Variants in BPNT2 observed in about 807,000 individuals in gnomAD.
The protein encoded by BPNT2 is 3'(2'), 5'-bisphosphate nucleotidase 2.
BPNT2 carries 11 observed loss-of-function variants against 29.3 expected under a neutral mutation model. The observed-to-expected ratio is 0.38, with a 90% CI of 0.24 to 0.62. The LOEUF (loss-of-function observed/expected upper bound fraction) is 0.62. BPNT2 is among the 20% of genes least tolerant of loss of function. The pLI, the probability that BPNT2 is intolerant of heterozygous loss-of-function variation, is 0.62. For synonymous variants in BPNT2, 195 were observed against 187.7 expected, an observed-to-expected ratio of 1.04 and a Z score of -0.32; for missense variants, 459 against 473.4, an observed-to-expected ratio of 0.97 and a Z score of 0.28.
intron 3 of BPNT2, among the ~76,000 whole-genome samples, chr8:56,966,616 G>T (rs1417873553): frequency 6.6e-6 from 1 of 151,980 alleles, no homozygotes; most frequent in Non-Finnish European, 1.5e-5. Flanking sequence ...TTAAATATTT[G>T]GCTTAAGGAT....
chr8:56,989,537 T>C (rs995829945), intron 1 of BPNT2, among the ~76,000 whole-genome samples: 5 of 152,204 alleles, frequency 3.3e-5, no homozygotes, highest in African/African-American at 7.2e-5. Context: ...TTTTTGTGGC[T>C]TGCAGAAGGC....
chr8:56,987,615 T>C (rs1251534868), intron 1 of BPNT2, among the ~76,000 whole-genome samples: 1 of 152,142 alleles, frequency 6.6e-6, no homozygotes, highest in Non-Finnish European at 1.5e-5. Flanking sequence ...AGCTGACAGA[T>C]CAAGGGACTT....
intron 3 of BPNT2, among the ~76,000 whole-genome samples, chr8:56,977,637 G>A (rs1017059020): frequency 2.0e-5 from 3 of 152,100 alleles, no homozygotes; most frequent in African/African-American, 4.8e-5. Flanking sequence ...ACTACGTTGA[G>A]ATGAGGTCAC....
intron 1 of BPNT2, among the ~76,000 whole-genome samples, chr8:56,990,057 G>GC (rs1806392604): frequency 6.6e-6 from 1 of 152,206 alleles, no homozygotes; most frequent in South Asian, 2.1e-4. Context: ...ACATGTCAAT[G>GC]CAAGTGCTCT....
intron 3 of BPNT2, among the ~76,000 whole-genome samples, chr8:56,971,853 TG>T (rs1806041211): frequency 7.1e-6 from 1 of 140,638 alleles, no homozygotes. Context: ...TATGTGACTT[TG>T]GGAGGCTGAG....
chr8:56,991,817 A>C (rs985740424), intron 1 of BPNT2, among the ~76,000 whole-genome samples: 1 of 152,208 alleles, frequency 6.6e-6, no homozygotes, highest in African/African-American at 2.4e-5. Flanking sequence ...TTGGGGAAGG[A>C]AACACGTATG....
chr8:56,984,459 T>TA (rs1290331803), intron 1 of BPNT2, among the ~76,000 whole-genome samples: 5 of 152,200 alleles, frequency 3.3e-5, no homozygotes. Context: ...AATCAGTCAG[T>TA]AAGTCCTGGA....
At position 56,980,196 on chromosome 8, in the gene BPNT2, A is replaced by C. The variant is rs1202615244; in HGVS notation, c.389T>G (p.Ile130Ser). The C allele has an allele frequency of 6.2e-7, 1 of 1,612,930 alleles. No individual in the cohort carries two copies. The highest frequency in any genetic ancestry group is 8.5e-7 in the Non-Finnish European group (1 of 1,179,136). ...LLKTAFPSVQ[I>S]NTEEHVDAAD... ...TGCATCCACGTGTTCCTCAGTATTA[A>C]TCTGCATTAAAAACAGGTGACAGTT... The change falls in exon 2 of 5, where the codon ATT becomes AGT. Residue 130 changes from isoleucine (I) to serine (S), a missense_variant and splice_region_variant. By Grantham distance (142) the Ile-to-Ser change is moderately radical. Coordinates refer to ENST00000262644, the MANE Select transcript of BPNT2 (RefSeq NM_017813.5).
At chr8:56,968,829 T>G (rs1805988925) in intron 3 of BPNT2, among the ~76,000 whole-genome samples, 1 of 152,202 alleles carries the variant, frequency 6.6e-6, no homozygotes, top group Non-Finnish European at 1.5e-5. Flanking sequence ...CCAAACTTCA[T>G]GTCCACTTGG....
intron 3 of BPNT2, among the ~76,000 whole-genome samples, chr8:56,976,871 C>T (rs1364449403): frequency 6.6e-6 from 1 of 152,104 alleles, no homozygotes; most frequent in African/African-American, 2.4e-5. Flanking sequence ...TAAAAAACTA[C>T]AGGTTGAGAA....
intron 1 of BPNT2, among the ~76,000 whole-genome samples, chr8:56,984,768 T>C (rs888882980): frequency 6.6e-6 from 1 of 152,104 alleles, no homozygotes; most frequent in Non-Finnish European, 1.5e-5. Context: ...AACCTTCCAA[T>C]GGTTTCTCAT....
chr8:56,992,978 C>G (rs1172919518), intron 1 of BPNT2, among the ~76,000 whole-genome samples: 3 of 152,160 alleles, frequency 2.0e-5, no homozygotes, highest in African/African-American at 4.8e-5. Flanking sequence ...GGCGCACACC[C>G]GACCCAGGAC....
intron 3 of BPNT2, among the ~76,000 whole-genome samples, chr8:56,976,868 C>G (rs762418922): frequency 5.3e-5 from 8 of 152,100 alleles, no homozygotes; most frequent in Non-Finnish European, 1.2e-4. Context: ...CCATAAAAAA[C>G]TACAGGTTGA....
At chr8:56,979,297 C>T (rs1338450545) in intron 2 of BPNT2, among the ~76,000 whole-genome samples, 1 of 152,150 alleles carries the variant, frequency 6.6e-6, no homozygotes, top group Non-Finnish European at 1.5e-5. Context: ...AAGAAAGTCC[C>T]TGCACGAGGG....
At chr8:56,974,711 C>T (rs1354396958) in intron 3 of BPNT2, among the ~76,000 whole-genome samples, 2 of 152,154 alleles carry the variant, frequency 1.3e-5, no homozygotes, top group African/African-American at 4.8e-5. Context: ...AGCCGCATTA[C>T]AGAAGAATGG....
chr8:56,970,902 G>A (rs1375320977), intron 3 of BPNT2, among the ~76,000 whole-genome samples: 1 of 151,868 alleles, frequency 6.6e-6, no homozygotes, highest in African/African-American at 2.4e-5. Context: ...AAAAAATGAA[G>A]AGAACAAAAC....
intron 1 of BPNT2, among the ~76,000 whole-genome samples, chr8:56,987,069 A>G (rs1806337715): frequency 6.6e-6 from 1 of 152,220 alleles, no homozygotes; most frequent in Non-Finnish European, 1.5e-5. Context: ...ACTATTCTCC[A>G]TCAGTATTGT....
intron 2 of BPNT2, among the ~76,000 whole-genome samples, chr8:56,978,393 T>C (rs1806181804): frequency 6.6e-6 from 1 of 152,012 alleles, no homozygotes; most frequent in South Asian, 2.1e-4. Context: ...AGTCAAAAAA[T>C]AACAGATGCA....
In BPNT2 at chr8:56,993,197, A is replaced by G. The variant is rs751404284; in HGVS notation, c.387+2T>C. On this transcript the variant is annotated splice_donor_variant, in intron 1 of 4. Transcript: ENST00000262644. LOFTEE classifies it high-confidence loss of function. ...GTGGGCGCTCCGCCCGTGGGCTCCC[A>G]CCTGGACGCTGGGGAAGGCGGTCTT... is the stretch of plus-strand genomic sequence containing the variant. The G allele has an allele frequency of 6.3e-7, 1 of 1,597,192 alleles. No individual in the cohort carries two copies. The highest frequency in any genetic ancestry group is 8.5e-7 in the Non-Finnish European group (1 of 1,178,218).
Sources: allele counts gnomAD v4.1 joint callset (sites outside exome capture counted in the v4.1 genomes callset), GRCh38; gene constraint gnomAD v4.1.1; transcripts MANE v1.5; gene names NCBI Gene and HGNC (gene_info 2026-07-23, HGNC 2026-07-21).